The following CTNNA1 variants were observed in gnomAD, a reference collection of about 807,000 sequenced individuals.
The protein encoded by CTNNA1 is catenin alpha-1.
A neutral mutation model predicts 98.4 loss-of-function variants in CTNNA1; 37 were observed. That is an observed-to-expected ratio of 0.38 (90% confidence interval 0.29 to 0.49). The LOEUF (loss-of-function observed/expected upper bound fraction) is 0.49. Ranked by LOEUF, CTNNA1 falls within the 20% of genes least tolerant of loss-of-function variation. The pLI, the probability that CTNNA1 is intolerant of heterozygous loss-of-function variation, is 0.95. For synonymous variants in CTNNA1, 404 were observed against 413.2 expected (o/e 0.98, Z 0.27); for missense variants, 761 against 1,147.2 (o/e 0.66, Z 4.86).
In CTNNA1 at chr5:138,824,671, A is replaced by T. The variant is rs371337206; in HGVS notation, c.730A>T (p.Ile244Leu). Residue 244 changes from isoleucine (I) to leucine (L), a missense_variant, in exon 6 of 18, where the codon ATA (isoleucine) becomes TTA (leucine). Physicochemically the swap from Ile to Leu is conservative, Grantham distance 5 (BLOSUM62 2). This residue lies in a region of CTNNA1 where 328 missense variants were observed against 354.3 expected (regional missense o/e 0.93). Coordinates refer to ENST00000302763, the MANE Select transcript of CTNNA1 (RefSeq NM_001903.5). ...VAAYKANRDL[I>L]YKQLQQAVTG... The stretch of plus-strand genomic sequence containing the variant: ...AGCCTATAAGGCCAACAGGGACCTG[A>T]TATACAAGCAGCTGCAGCAGGCGGT... The T allele has an allele frequency of 2.4e-5, 39 of 1,614,110 alleles. No homozygotes were observed. In the African/African-American group the frequency reaches 3.2e-4, roughly 13 times the overall value.
At position 138,925,558 on chromosome 5, in the gene CTNNA1, G is replaced by A. The variant is rs145533883; in HGVS notation, c.1899+151G>A. ...GTTAGAATGAGATATATTTAATTAC[G>A]TTGTCTAAAATGACTGTTAGTTGCA... On this transcript the variant is annotated intron_variant, in intron 13 of 17. Transcript: ENST00000302763. 66 of 1,206,476 alleles carry A rather than the reference G, an allele frequency of 5.5e-5. 1 individual carries two copies. The Middle Eastern group carries it at 6.8e-4, about 13-fold the overall frequency. 74.7% of individuals were successfully genotyped at this position (1,206,476 alleles called of 1,614,324 possible). A position where few individuals can be genotyped will look rare whatever the true frequency, so the allele number is the denominator to read the frequency against.
chr5:138,907,306 C>A (rs1310824252), intron 10 of CTNNA1, among the ~76,000 whole-genome samples: 1 of 152,230 alleles, frequency 6.6e-6, no homozygotes, highest in African/African-American at 2.4e-5. Flanking sequence ...AGGCCTGAGC[C>A]ACCACGCCCG....
At chr5:138,883,288 T>C (rs978517782) in intron 7 of CTNNA1, among the ~76,000 whole-genome samples, 3 of 152,188 alleles carry the variant, frequency 2.0e-5, no homozygotes, top group African/African-American at 7.2e-5. Flanking sequence ...AAACTTGCTA[T>C]TTGGACTGTA....
At chr5:138,842,024 T>C (rs905828295) in intron 7 of CTNNA1, among the ~76,000 whole-genome samples, 13 of 152,236 alleles carry the variant, frequency 8.5e-5, no homozygotes, top group African/African-American at 2.4e-4. Flanking sequence ...GGCTTGCCCT[T>C]GCTCTTGTGT....
intron 2 of CTNNA1, chr5:138,782,528 T>G: frequency 3.9e-6 from 1 of 255,076 alleles, no homozygotes; most frequent in Non-Finnish European, 7.9e-6. Flanking sequence ...ATTGTTTGTA[T>G]GTGAGAGATT....
intron 3 of CTNNA1, among the ~76,000 whole-genome samples, chr5:138,808,851 C>G (rs553917160): frequency 8.6e-5 from 13 of 152,002 alleles, no homozygotes; most frequent in African/African-American, 2.7e-4. Flanking sequence ...AACCAGTGGA[C>G]AAGACACAAC....
intron 3 of CTNNA1, among the ~76,000 whole-genome samples, chr5:138,792,818 AAGATT>A (rs1289427681): frequency 6.6e-6 from 1 of 152,232 alleles, no homozygotes; most frequent in African/African-American, 2.4e-5. Context: ...CATTTTGAAA[AAGATT>A]AAAGTTAAGT....
At position 138,873,437 on chromosome 5, in the gene CTNNA1, C is replaced by A. The variant is rs1191636079; in HGVS notation, c.1063-12775C>A. 2 of 1,613,974 alleles carry A rather than the reference C, an allele frequency of 1.2e-6. No homozygotes were observed. Among genetic ancestry groups the A allele is most frequent in the Admixed American group, 1.7e-5 (1 of 60,016 alleles). ...TTTTGTATATTCAGTGGTTGGATCTCTATAAGTTGTAGCCATGACAGTGAC... is the reference window on the plus strand; with the variant it reads ...TTTTGTATATTCAGTGGTTGGATCTATATAAGTTGTAGCCATGACAGTGAC... On this transcript the variant is annotated intron_variant, in intron 7 of 17. Transcript: ENST00000302763. The surrounding 1 kb of genome is among the most constrained non-coding windows in gnomAD (Gnocchi z 6.1).
At chr5:138,846,829 G>C (rs1304621487) in intron 7 of CTNNA1, among the ~76,000 whole-genome samples, 2 of 152,036 alleles carry the variant, frequency 1.3e-5, no homozygotes, top group East Asian at 1.9e-4. Context: ...TTGGGGGCAG[G>C]GTGTCTTCTC....
At chr5:138,894,906 A>G (rs1318265085) in intron 9 of CTNNA1, among the ~76,000 whole-genome samples, 1 of 151,956 alleles carries the variant, frequency 6.6e-6, no homozygotes. Context: ...CCCTCTACCC[A>G]CATGTCACTT....
chr5:138,777,739 T>G (rs897507700), intron 1 of CTNNA1, among the ~76,000 whole-genome samples: 4 of 150,812 alleles, frequency 2.7e-5, no homozygotes, highest in South Asian at 2.1e-4. Context: ...GCGCCTGCAA[T>G]CACAGGCACT....
intron 2 of CTNNA1, chr5:138,782,267 T>G: frequency 5.2e-6 from 3 of 581,966 alleles, no homozygotes; most frequent in Non-Finnish European, 9.7e-6. Flanking sequence ...TAGTGCAACT[T>G]TGCAAATGTT....
intron 7 of CTNNA1, among the ~76,000 whole-genome samples, chr5:138,834,368 T>C (rs2149800886): frequency 6.6e-6 from 1 of 152,356 alleles, no homozygotes; most frequent in South Asian, 2.1e-4. Context: ...CACTTATATC[T>C]GTTCTTTTCT....
intron 7 of CTNNA1, among the ~76,000 whole-genome samples, chr5:138,847,527 A>G (rs1349971736): frequency 1.3e-5 from 2 of 152,096 alleles, no homozygotes; most frequent in Non-Finnish European, 2.9e-5. Context: ...TCCACTTTTT[A>G]TTGTTGCTTT....
rs920831350 is a variant in CTNNA1, at chr5:138,835,870, A to G, written c.1062+8152A>G. On this transcript the variant is annotated intron_variant, in intron 7 of 17. Transcript: ENST00000302763. The stretch of plus-strand genomic sequence containing the variant: ...AGAGCTCTAGATTTTTTATTTACTT[A>G]TTTTTTGCTCTGTCACCCAGGCTGG... Among the ~76,000 whole-genome samples, 5 of 151,968 alleles carry G rather than the reference A, an allele frequency of 3.3e-5. No individual in the cohort carries two copies. In the East Asian group the frequency reaches 7.7e-4, roughly 23 times the overall value.
chr5:138,761,669 T>C (rs1314714286), intron 1 of CTNNA1, among the ~76,000 whole-genome samples: 1 of 152,164 alleles, frequency 6.6e-6, no homozygotes, highest in African/African-American at 2.4e-5. Flanking sequence ...AATAAATAAG[T>C]AGTGAAAAAC....
chr5:138,925,789 G>A (rs1358025531), intron 13 of CTNNA1, among the ~76,000 whole-genome samples: 4 of 152,188 alleles, frequency 2.6e-5, no homozygotes, highest in Non-Finnish European at 5.9e-5. Flanking sequence ...CCCTCTCTTC[G>A]GAGGGGCTGC....
intron 3 of CTNNA1, among the ~76,000 whole-genome samples, chr5:138,801,994 G>A (rs1049868714): frequency 1.3e-5 from 2 of 152,156 alleles, no homozygotes; most frequent in Non-Finnish European, 2.9e-5. Flanking sequence ...CATTAAAAAC[G>A]ACACATTAAA....
intron 1 of CTNNA1, among the ~76,000 whole-genome samples, chr5:138,776,521 G>A (rs890116329): frequency 2.6e-5 from 4 of 152,014 alleles, no homozygotes; most frequent in African/African-American, 7.2e-5. Context: ...CCACAAAACC[G>A]CCATCGTCAT....
Sources: allele counts gnomAD v4.1 joint callset (sites outside exome capture counted in the v4.1 genomes callset), GRCh38; gene constraint gnomAD v4.1.1; regional missense constraint gnomAD v4.1.1; non-coding constraint Gnocchi (gnomAD v3.1); transcripts MANE v1.5; gene names NCBI Gene and HGNC (gene_info 2026-07-23, HGNC 2026-07-21).